Variants in TAFA4 observed in about 807,000 individuals in gnomAD.
The protein encoded by TAFA4 is chemokine-like protein TAFA-4.
In TAFA4, 20 loss-of-function variants were observed where a neutral mutation model predicts 21.1. The observed-to-expected ratio is 0.95, with a 90% confidence interval of 0.67 to 1.38. TAFA4 has a LOEUF of 1.38. Among genes scored for constraint, TAFA4 ranks in the 40% most tolerant of loss-of-function variants. The probability of loss-of-function intolerance (pLI) is 0.00; values close to 1 mark genes in which losing one functional copy is unlikely to be tolerated. For missense variants in TAFA4, 211 were observed against 180.9 expected, an observed-to-expected ratio of 1.17 and a Z score of -0.95; for synonymous variants, 71 against 67.4, an observed-to-expected ratio of 1.05 and a Z score of -0.26.
chr3:68,835,302 T>C (rs1704497662), intron 3 of TAFA4, among the ~76,000 whole-genome samples: 1 of 152,216 alleles, frequency 6.6e-6, no homozygotes, highest in Non-Finnish European at 1.5e-5. Flanking sequence ...GACATTTACT[T>C]TTTTCTCTTT....
intron 4 of TAFA4, among the ~76,000 whole-genome samples, chr3:68,748,830 CTTTTG>C (rs779232462): frequency 1.5e-4 from 23 of 151,870 alleles, no homozygotes; most frequent in Non-Finnish European, 2.6e-4. Context: ...CATTTCTGAG[CTTTTG>C]TTTTATTAGT....
intron 3 of TAFA4, among the ~76,000 whole-genome samples, chr3:68,860,609 C>T (rs888145749): frequency 6.6e-6 from 1 of 152,050 alleles, no homozygotes; most frequent in Non-Finnish European, 1.5e-5. Flanking sequence ...ACAAATAATG[C>T]TTTTGTAAAT....
At chr3:68,897,712 C>A (rs185050450) in intron 1 of TAFA4, among the ~76,000 whole-genome samples, 1 of 152,088 alleles carries the variant, frequency 6.6e-6, no homozygotes, top group Non-Finnish European at 1.5e-5. Context: ...TTGATGAAGA[C>A]ATACACAAAT....
At chr3:68,905,666 G>C (rs1035504892) in intron 1 of TAFA4, among the ~76,000 whole-genome samples, 2 of 152,138 alleles carry the variant, frequency 1.3e-5, no homozygotes, top group African/African-American at 4.8e-5. Context: ...TGGAAGAAAA[G>C]CATTTAAGCA....
intron 4 of TAFA4, among the ~76,000 whole-genome samples, chr3:68,751,103 A>C (rs1025103300): frequency 6.6e-6 from 1 of 152,236 alleles, no homozygotes; most frequent in African/African-American, 2.4e-5. Flanking sequence ...GCAATGATTC[A>C]GGCAAGGGAT....
chr3:68,883,260 G>T (rs768763499), intron 2 of TAFA4, among the ~76,000 whole-genome samples: 4 of 152,144 alleles, frequency 2.6e-5, no homozygotes, highest in Non-Finnish European at 5.9e-5. Flanking sequence ...TGTATTCCCC[G>T]TATTCTTGCT....
chr3:68,867,785 T>C (rs76945725), intron 3 of TAFA4, among the ~76,000 whole-genome samples: 1 of 152,110 alleles, frequency 6.6e-6, no homozygotes, highest in Non-Finnish European at 1.5e-5. Context: ...TTGTTATATC[T>C]ATAAGAAGTT....
At chr3:68,909,688 A>G (rs1032481568) in intron 1 of TAFA4, among the ~76,000 whole-genome samples, 7 of 152,222 alleles carry the variant, frequency 4.6e-5, no homozygotes, top group Non-Finnish European at 7.3e-5. Flanking sequence ...TGCCTCTACT[A>G]TCAGATGGGA....
intron 3 of TAFA4, among the ~76,000 whole-genome samples, chr3:68,774,101 T>C (rs1703007185): frequency 6.6e-6 from 1 of 152,082 alleles, no homozygotes; most frequent in African/African-American, 2.4e-5. Context: ...ACAATAAAAA[T>C]AGGGATCTTC....
chr3:68,905,753 G>A (rs2089893811), intron 1 of TAFA4, among the ~76,000 whole-genome samples: 1 of 152,102 alleles, frequency 6.6e-6, no homozygotes, highest in Admixed American at 6.5e-5. Context: ...TAGGGAGAAG[G>A]GAACATCTGT....
chr3:68,865,441 C>T (rs2089404492), intron 3 of TAFA4, among the ~76,000 whole-genome samples: 1 of 151,856 alleles, frequency 6.6e-6, no homozygotes, highest in South Asian at 2.1e-4. Context: ...GTACTGTTTT[C>T]ACAATAGTGA....
At chr3:68,853,748 G>A (rs1343203593) in intron 3 of TAFA4, among the ~76,000 whole-genome samples, 1 of 152,108 alleles carries the variant, frequency 6.6e-6, no homozygotes, top group Non-Finnish European at 1.5e-5. Flanking sequence ...AGGTAAGAAG[G>A]CCCCAAGTTG....
At chr3:68,909,032 G>A (rs1013814280) in intron 1 of TAFA4, among the ~76,000 whole-genome samples, 1 of 152,186 alleles carries the variant, frequency 6.6e-6, no homozygotes, top group East Asian at 1.9e-4. Context: ...TACTGTAGCT[G>A]AGGAACTGAA....
At chr3:68,759,876 G>C (rs1000307701) in intron 3 of TAFA4, among the ~76,000 whole-genome samples, 2 of 152,118 alleles carry the variant, frequency 1.3e-5, no homozygotes, top group Non-Finnish European at 1.5e-5. Context: ...CTTTGTCTGG[G>C]TGGGCAGATG....
chr3:68,803,928 C>T (rs56083819), intron 3 of TAFA4, among the ~76,000 whole-genome samples: 54,713 of 148,244 alleles, frequency 0.37, 10,844 homozygotes, highest in Non-Finnish European at 0.45. Context: ...CCTGGGATTA[C>T]AGGCATGTGC....
chr3:68,792,907 A>G (rs1703389030), intron 3 of TAFA4, among the ~76,000 whole-genome samples: 1 of 151,704 alleles, frequency 6.6e-6, no homozygotes. Context: ...TGATACTTTC[A>G]TATTTCTATT....
intron 4 of TAFA4, among the ~76,000 whole-genome samples, chr3:68,745,158 C>G (rs1285080054): frequency 6.6e-6 from 1 of 152,168 alleles, no homozygotes; most frequent in Non-Finnish European, 1.5e-5. Context: ...TAAGAACCCA[C>G]TGAGGGCTCG....
intron 3 of TAFA4, among the ~76,000 whole-genome samples, chr3:68,853,142 T>C (rs1704988929): frequency 6.6e-6 from 1 of 152,192 alleles, no homozygotes; most frequent in Admixed American, 6.6e-5. Context: ...TTATACTTTA[T>C]GATGTCAGAT....
intron 3 of TAFA4, among the ~76,000 whole-genome samples, chr3:68,875,659 G>A (rs1030277024): frequency 6.6e-6 from 1 of 152,118 alleles, no homozygotes; most frequent in Non-Finnish European, 1.5e-5. Context: ...ACTTACCCCA[G>A]TGGGTAAGTG....
Sources: allele counts gnomAD v4.1 joint callset (sites outside exome capture counted in the v4.1 genomes callset), GRCh38; gene constraint gnomAD v4.1.1; transcripts MANE v1.5; gene names NCBI Gene and HGNC (gene_info 2026-07-23, HGNC 2026-07-21).